DCAF6: variants seen among roughly 807,000 people sequenced by gnomAD.
DCAF6 encodes the protein DDB1 and CUL4 associated factor 6.
Under a neutral mutation model 125.1 loss-of-function variants are expected in DCAF6, and 54 were observed. The observed-to-expected ratio is 0.43, with a 90% CI of 0.35 to 0.54. DCAF6 has a LOEUF of 0.54. Ranked by LOEUF, DCAF6 falls within the 20% of genes least tolerant of loss-of-function variation. DCAF6 has a pLI of 0.01. For missense variants in DCAF6, 934 were observed against 1,161.7 expected (o/e 0.80, Z 2.85); for synonymous variants, 371 against 390.4 (o/e 0.95, Z 0.58).
chr1:168,067,161 T>C (rs1692443577), intron 20 of DCAF6, among the ~76,000 whole-genome samples: 1 of 152,198 alleles, frequency 6.6e-6, no homozygotes, highest in African/African-American at 2.4e-5. Flanking sequence ...AAAATGTTAG[T>C]AAGTTGGAAA....
At chr1:168,005,040 A>G (rs1030959187) in intron 10 of DCAF6, among the ~76,000 whole-genome samples, 3 of 152,178 alleles carry the variant, frequency 2.0e-5, no homozygotes, top group African/African-American at 7.2e-5. Flanking sequence ...GTACCAAAAG[A>G]TAGTGTTTTG....
rs1369255662 is a variant in DCAF6, at chr1:167,937,260, C to T, written c.97+252C>T. On this transcript the variant is annotated intron_variant, in intron 1 of 21. Transcript: ENST00000367840. ...CCGGGCCGTGGGCAGAAGGTACTGG[C>T]TTGTAAAGGTGTTGGGGTCGCTGAT... The T allele has an allele frequency of 7.2e-6, 4 of 553,990 alleles. No homozygotes were observed. In the South Asian group the frequency reaches 8.4e-5, roughly 12 times the overall value. The allele number at this position is 553,990 out of a possible 1,614,324, so 34.3% of individuals were successfully genotyped here.
At chr1:167,953,448 AC>A (rs1279709292) in intron 2 of DCAF6, among the ~76,000 whole-genome samples, 3 of 152,184 alleles carry the variant, frequency 2.0e-5, no homozygotes, top group Admixed American at 2.0e-4. Flanking sequence ...CATAGTCTAC[AC>A]TTTTGCCCCC....
intron 10 of DCAF6, among the ~76,000 whole-genome samples, chr1:168,008,226 C>A (rs534289149): frequency 1.3e-5 from 2 of 152,158 alleles, no homozygotes; most frequent in Admixed American, 6.5e-5. Flanking sequence ...GCCTCGGCCT[C>A]CCAAAATGCT....
chr1:167,987,666 T>G, intron 5 of DCAF6, 58 bp downstream of exon 5: 1 of 871,798 alleles, frequency 1.1e-6, no homozygotes, highest in Non-Finnish European at 1.9e-6. Flanking sequence ...TAATTAAAAT[T>G]GGTTATAATT....
the DCAF6 span, among the ~76,000 whole-genome samples, chr1:167,891,960 C>T: frequency 6.6e-6 from 1 of 150,706 alleles, no homozygotes; most frequent in African/African-American, 2.4e-5. Flanking sequence ...AACCAATGTG[C>T]TAATTTTTTT....
chr1:167,880,428 C>T, the DCAF6 span: 8 of 1,197,022 alleles, frequency 6.7e-6, no homozygotes, highest in South Asian at 7.3e-5. Flanking sequence ...TCCCTGCATG[C>T]CCTCCCTACT....
the DCAF6 span, among the ~76,000 whole-genome samples, chr1:167,874,454 T>C: frequency 1.3e-5 from 2 of 152,154 alleles, no homozygotes; most frequent in African/African-American, 4.8e-5. Flanking sequence ...AACAGAATTA[T>C]TGAAAGGATA....
At chr1:167,981,183 G>A (rs1316117742) in intron 4 of DCAF6, among the ~76,000 whole-genome samples, 2 of 152,096 alleles carry the variant, frequency 1.3e-5, no homozygotes, top group Non-Finnish European at 2.9e-5. Context: ...TGGGCTTACA[G>A]GCATGAGCCA....
intron 1 of DCAF6, among the ~76,000 whole-genome samples, chr1:167,946,835 A>G (rs1418000710): frequency 2.0e-5 from 3 of 151,878 alleles, no homozygotes; most frequent in South Asian, 4.1e-4. Context: ...TTTATTCTGT[A>G]TCCTTTGTTT....
Position 168,075,616 on chromosome 1 carries a change from A to G in DCAF6, c.*181A>G, listed in dbSNP as rs1693711871. 1.9e-6 allele frequency: 1 copy of G among 524,916 alleles called. No individual in the cohort carries two copies. Among genetic ancestry groups the G allele is most frequent in the Non-Finnish European group, 3.3e-6 (1 of 304,122 alleles). 32.5% of individuals were successfully genotyped at this position (524,916 alleles called of 1,614,324 possible). A position where few individuals can be genotyped will look rare whatever the true frequency, so the allele number is the denominator to read the frequency against. ...TGTGCATGAATTTGGGAGATTGTAT[A>G]AAACAAAACTAGCAGAATGTTTTTA... On this transcript the variant is annotated 3_prime_UTR_variant, in exon 22 of 22. Transcript: ENST00000367840.
the DCAF6 span, among the ~76,000 whole-genome samples, chr1:167,900,264 C>T: frequency 8.5e-5 from 13 of 152,098 alleles, no homozygotes; most frequent in East Asian, 1.5e-3. Flanking sequence ...TTTTTATCTT[C>T]GCTCTCTGCT....
At chr1:167,981,294 G>A (rs775769947) in intron 4 of DCAF6, among the ~76,000 whole-genome samples, 3 of 152,046 alleles carry the variant, frequency 2.0e-5, no homozygotes, top group Admixed American at 6.6e-5. Context: ...GCATATGTAG[G>A]GTAAGGGTCT....
At chr1:167,941,963 TC>T (rs1557870442) in intron 1 of DCAF6, among the ~76,000 whole-genome samples, 4 of 152,242 alleles carry the variant, frequency 2.6e-5, no homozygotes. Flanking sequence ...ATATGAGAGT[TC>T]CAATTGCTCC....
At chr1:168,033,326 T>C in intron 12 of DCAF6, among the ~76,000 whole-genome samples, 1 of 147,564 alleles carries the variant, frequency 6.8e-6, no homozygotes, top group African/African-American at 2.5e-5. Context: ...TTTTTTTTTT[T>C]GAGACGGAGT....
At chr1:168,004,423 T>G (rs1192796071) in intron 9 of DCAF6, 110 bp from the exon 10 acceptor site, 2 of 1,207,162 alleles carry the variant, frequency 1.7e-6, no homozygotes, top group Admixed American at 4.3e-5. Context: ...TCACTGAAAT[T>G]ATATATTTGT....
Position 167,982,480 on chromosome 1 carries a change from A to G in DCAF6, c.439-5015A>G, listed in dbSNP as rs1679347444. Among the ~76,000 whole-genome samples the G allele has an allele frequency of 2.6e-5, 4 of 152,280 alleles. No individual in the cohort carries two copies. In the South Asian group the frequency reaches 8.3e-4, roughly 32 times the overall value. On this transcript the variant is annotated intron_variant, in intron 4 of 21. Coordinates refer to ENST00000367840, the MANE Select transcript of DCAF6 (RefSeq NM_001198956.2). ...ATGGTTTTGATCTCCTGACCTCATG[A>G]TCTGCCTGCCTCAGCCTCCCAAAGT... is the stretch of plus-strand genomic sequence containing the variant.
At position 168,050,944 on chromosome 1, in the gene DCAF6, A is replaced by G. The variant is rs1689838672; in HGVS notation, c.2300+11A>G. Reference sequence around the variant, plus strand: ...TGATAGAATAATGAGGTAATTCAGTATGTTCCTTCATAATTTTTTTTTTAT... The same window carrying G: ...TGATAGAATAATGAGGTAATTCAGTGTGTTCCTTCATAATTTTTTTTTTAT... On this transcript the variant is annotated intron_variant, in intron 17 of 21. Coordinates refer to ENST00000367840, the MANE Select transcript of DCAF6 (RefSeq NM_001198956.2). 3.0e-6 allele frequency: 4 copies of G among 1,351,726 alleles called. No homozygotes were observed. Among genetic ancestry groups the G allele is most frequent in the Non-Finnish European group, 3.9e-6 (4 of 1,022,534 alleles). 83.7% of individuals were successfully genotyped at this position (1,351,726 alleles called of 1,614,324 possible).
At chr1:167,990,009 G>A (rs1680603178) in intron 5 of DCAF6, among the ~76,000 whole-genome samples, 2 of 152,098 alleles carry the variant, frequency 1.3e-5, no homozygotes. Context: ...TAACATTATA[G>A]TAAGACCTGT....
Sources: allele counts gnomAD v4.1 joint callset (sites outside exome capture counted in the v4.1 genomes callset), GRCh38; gene constraint gnomAD v4.1.1; transcripts MANE v1.5; gene names NCBI Gene and HGNC (gene_info 2026-07-23, HGNC 2026-07-21).